Variants in LRCH2 observed in about 807,000 individuals in gnomAD.
LRCH2 encodes leucine rich repeats and calponin homology domain containing 2, also known as leucine-rich repeat and calponin homology domain-containing protein 2.
LRCH2 carries 38 observed loss-of-function variants against 68.9 expected under a neutral mutation model. The ratio of observed to expected loss-of-function variants is 0.55; its 90% CI spans 0.43 to 0.72. The LOEUF (loss-of-function observed/expected upper bound fraction) is 0.72. Ranked by LOEUF, LRCH2 falls within the 30% of genes least tolerant of loss-of-function variation. LRCH2 has a pLI of 0.00. For missense variants in LRCH2, 528 were observed against 572.9 expected (o/e 0.92, Z 0.80); for synonymous variants, 191 against 208.1 (o/e 0.92, Z 0.71).
chrX:115,116,452 T>G (rs1556524063), intron 20 of LRCH2, among the ~76,000 whole-genome samples: 1 of 110,893 alleles, frequency 9.0e-6, no homozygotes, highest in African/African-American at 3.3e-5. Context: ...AGCCAGACAC[T>G]AAAGACCACA....
rs781939493 is a variant in LRCH2 at position 115,190,530 on chromosome X, C to T, written c.350-2160G>A. The T allele has an allele frequency of 9.6e-5, 111 of 1,158,132 alleles. No homozygotes were observed. The East Asian group carries it at 3.2e-3, about 34-fold the overall frequency. ...ACGCCTACAGCAGGGACCACTCGCC[C>T]AAAGCCTATAGTGGGGGCCGCAGCA... On this transcript the variant is annotated intron_variant, in intron 1 of 20. Transcript: ENST00000317135.
At chrX:115,157,188 TAA>T (rs1348691555) in intron 11 of LRCH2, among the ~76,000 whole-genome samples, 6 of 110,394 alleles carry the variant, frequency 5.4e-5, no homozygotes, top group African/African-American at 9.9e-5. Flanking sequence ...TGAACCATTA[TAA>T]GAGAGAACTA....
chrX:115,156,268 A>T (rs2072474162), intron 12 of LRCH2, among the ~76,000 whole-genome samples: 1 of 112,014 alleles, frequency 8.9e-6, no homozygotes, highest in Admixed American at 9.5e-5. Context: ...AAATGAAAAC[A>T]TAAACAGTAT....
rs782383636 is a variant in LRCH2, at chrX:115,173,592, G to A, written c.865-3160C>T. 2.7e-4 allele frequency among the ~76,000 whole-genome samples: 30 copies of A among 111,818 alleles called. 1 individual carries two copies. The South Asian group carries it at 8.3e-3, about 31-fold the overall frequency. On this transcript the variant is annotated intron_variant, in intron 5 of 20. Transcript: ENST00000317135. ...GCAACCCCCCCAGCCTTCCAAGAAG[G>A]TTTGTGTCTATTTCCTATAACTATC...
chrX:115,126,690 A>G (rs1212940755), intron 16 of LRCH2, among the ~76,000 whole-genome samples, 153 bp downstream of exon 16: 1 of 111,615 alleles, frequency 9.0e-6, no homozygotes, highest in African/African-American at 3.3e-5. Context: ...GAAGGTTTGT[A>G]CAAACTAATC....
Position 115,179,068 on chromosome X carries a change from A to T in LRCH2, c.864+359T>A, listed in dbSNP as rs1320770292. ...ACTTGTATTTTGTTCTTTCTGTTAT[A>T]ATTCCATCTCTCAGTGCCAAGAATG... On this transcript the variant is annotated intron_variant, in intron 5 of 20. Transcript: ENST00000317135. 3.6e-5 allele frequency among the ~76,000 whole-genome samples: 4 copies of T among 112,153 alleles called. No homozygotes were observed. In the East Asian group the frequency reaches 8.4e-4, roughly 24 times the overall value.
At chrX:115,115,872 C>A (rs2072077387) in intron 20 of LRCH2, among the ~76,000 whole-genome samples, 1 of 110,048 alleles carries the variant, frequency 9.1e-6, no homozygotes, top group African/African-American at 3.3e-5. Context: ...AATAATCTAA[C>A]TCAGAAATGA....
rs1348849198 is a variant in LRCH2, at chrX:115,122,764, G to C, written c.2096C>G (p.Ala699Gly). ...CAAATTGTAAACAAAACTTACCACT[G>C]CTGGTGATGGTACATGAATACTAGC... ...SVASIHVPSP[A>G]VPKLSMAKCR... The change falls in exon 19 of 21, where the codon GCA becomes GGA. Residue 699 changes from alanine (A) to glycine (G), a missense_variant. Coordinates refer to ENST00000317135, the MANE Select transcript of LRCH2 (RefSeq NM_020871.4). 1 of 1,209,705 alleles carries C rather than the reference G, an allele frequency of 8.3e-7. No individual in the cohort carries two copies.
At chrX:115,153,580 G>C (rs1053143409) in intron 12 of LRCH2, among the ~76,000 whole-genome samples, 3 of 110,815 alleles carry the variant, frequency 2.7e-5, no homozygotes, top group African/African-American at 9.9e-5. Context: ...ATAACAACTT[G>C]TTATGGTACA....
intron 14 of LRCH2, among the ~76,000 whole-genome samples, chrX:115,134,657 T>C (rs1569512439): frequency 8.9e-6 from 1 of 111,984 alleles, no homozygotes; most frequent in Non-Finnish European, 1.9e-5. Context: ...AAGCCCACTA[T>C]CGAGCTCAGA....
chrX:115,202,280 CAT>C (rs1556566576), intron 1 of LRCH2, among the ~76,000 whole-genome samples: 2 of 111,787 alleles, frequency 1.8e-5, no homozygotes, highest in Non-Finnish European at 3.8e-5. Flanking sequence ...AAAAATATCA[CAT>C]GTTGTCACTC....
At chrX:115,125,607 G>GTA (rs200758748) in intron 16 of LRCH2, among the ~76,000 whole-genome samples, 13,988 of 18,475 alleles carry the variant, frequency 0.76, 5,539 homozygotes, top group East Asian at 0.98. Context: ...ATATATATAC[G>GTA]TATATATATA....
At position 115,113,067 on chromosome X, in the gene LRCH2, G is replaced by C. The variant is rs377288825; in HGVS notation, c.*149C>G. 2.8e-5 allele frequency: 12 copies of C among 434,609 alleles called. No homozygotes were observed. The highest frequency in any genetic ancestry group is 1.0e-4 in the African/African-American group (4 of 39,601). The allele number at this position is 434,609 out of a possible 1,213,427, so 35.8% of individuals were successfully genotyped here. On this transcript the variant is annotated 3_prime_UTR_variant, in exon 21 of 21. Transcript: ENST00000317135. ...GAAGTTCGGGCAATTCAATGTTTAA[G>C]TTTGATGTTTCAATGTAATTTTTTT...
At chrX:115,174,601 C>CCACACACA (rs59364428) in intron 5 of LRCH2, among the ~76,000 whole-genome samples, 1 of 66,628 alleles carries the variant, frequency 1.5e-5, no homozygotes, top group African/African-American at 5.0e-5. Flanking sequence ...ACCCCCCCCC[C>CCACACACA]CACACACACA....
At chrX:115,141,106 C>T (rs1012577024) in intron 14 of LRCH2, among the ~76,000 whole-genome samples, 5 of 108,008 alleles carry the variant, frequency 4.6e-5, no homozygotes, top group African/African-American at 1.3e-4. Flanking sequence ...GGCATAGTGG[C>T]GGGTGCCTGT....
rs1556526512 is a variant in LRCH2 at position 115,122,912 on chromosome X, G to A, written c.1963-15C>T. The A allele has an allele frequency of 1.7e-6, 2 of 1,181,784 alleles. No individual in the cohort carries two copies. Among genetic ancestry groups the A allele is most frequent in the South Asian group, 1.8e-5 (1 of 54,085 alleles). ...GATTCAAGATTCTATAGAAAAACAG[G>A]TATAAATCAGATACTCTATCTAAAC... On this transcript the variant is annotated splice_polypyrimidine_tract_variant and intron_variant, in intron 18 of 20. Transcript: ENST00000317135.
chrX:115,146,902 TACATACAC>T (rs1481985874), intron 14 of LRCH2, among the ~76,000 whole-genome samples: 581 of 53,891 alleles, frequency 0.011, 6 homozygotes, highest in African/African-American at 0.042. Flanking sequence ...ATTTCTTACA[TACATACAC>T]ACACACACAC....
At chrX:115,147,815 G>T (rs192488654) in intron 14 of LRCH2, among the ~76,000 whole-genome samples, 122 of 110,895 alleles carry the variant, frequency 1.1e-3, no homozygotes, top group Non-Finnish European at 2.0e-3. Flanking sequence ...CTTTGGGGGG[G>T]CCTAGATGGG....
At chrX:115,167,191 TAAAAAAAAAA>T (rs58298502) in intron 6 of LRCH2, among the ~76,000 whole-genome samples, 9 of 8,396 alleles carry the variant, frequency 1.1e-3, no homozygotes, top group East Asian at 4.7e-3. Context: ...AGTTTCATGC[TAAAAAAAAAA>T]AAAAAAAAAA....
Sources: gnomAD v4.1 joint callset for allele counts (sites outside exome capture counted in the v4.1 genomes callset) on GRCh38, gnomAD v4.1.1 for gene constraint, MANE v1.5 for transcripts, NCBI Gene and HGNC (gene_info 2026-07-23, HGNC 2026-07-21) for gene names.